SLC67A1: variants seen among roughly 807,000 people sequenced by gnomAD.
The protein encoded by SLC67A1 is solute carrier family 67 member A1.
At chr11:2,903,562 CCGT>C in the SLC67A1 span, 1 of 1,560,470 alleles carries the variant, frequency 6.4e-7, no homozygotes. Flanking sequence ...TCCATCTGGG[CCGT>C]CGCAGAGAGT....
chr11:2,901,293 T>C, the SLC67A1 span, among the ~76,000 whole-genome samples: 1 of 152,250 alleles, frequency 6.6e-6, no homozygotes. Context: ...CAGCCGGCCT[T>C]GGGCCACCTG....
At chr11:2,911,561 C>T in the SLC67A1 span, among the ~76,000 whole-genome samples, 1 of 152,214 alleles carries the variant, frequency 6.6e-6, no homozygotes, top group South Asian at 2.1e-4. Context: ...CTGAGCTGGG[C>T]GGCTGCCATC....
chr11:2,919,030 C>T, the SLC67A1 span: 3 of 428,612 alleles, frequency 7.0e-6, no homozygotes, highest in Admixed American at 8.6e-5. Context: ...GGGCCAAATC[C>T]TCCCACGTGG....
chr11:2,903,526 G>A, the SLC67A1 span: 3 of 1,609,382 alleles, frequency 1.9e-6, no homozygotes, highest in South Asian at 3.3e-5. Flanking sequence ...GCCCCAGCCA[G>A]GGCTGAACCG....
chr11:2,899,788 C>T, the SLC67A1 span: 1 of 1,372,294 alleles, frequency 7.3e-7, no homozygotes, highest in Non-Finnish European at 9.6e-7. Flanking sequence ...GGCCCTGCTT[C>T]ACCTGGAGGA....
chr11:2,914,346 C>T, the SLC67A1 span, among the ~76,000 whole-genome samples: 3 of 152,146 alleles, frequency 2.0e-5, no homozygotes, highest in African/African-American at 4.8e-5. Flanking sequence ...CTGACGGCAC[C>T]GTGCTAAGGG....
At chr11:2,904,259 C>T in the SLC67A1 span, among the ~76,000 whole-genome samples, 1 of 152,236 alleles carries the variant, frequency 6.6e-6, no homozygotes, top group Non-Finnish European at 1.5e-5. Flanking sequence ...TGGGCTCAGA[C>T]AGCTGCCCTC....
the SLC67A1 span, chr11:2,917,173 G>A: frequency 4.9e-6 from 1 of 204,954 alleles, no homozygotes; most frequent in African/African-American, 2.3e-5. Context: ...GGAGGGCAGA[G>A]GATGGTCAGG....
At chr11:2,924,852 G>C in the SLC67A1 span, among the ~76,000 whole-genome samples, 1 of 152,156 alleles carries the variant, frequency 6.6e-6, no homozygotes, top group Admixed American at 6.5e-5. The surrounding 1 kb of genome is among the most constrained non-coding windows in gnomAD (Gnocchi z 8.6). Context: ...GGAAAGGATG[G>C]GTGTTCAGGG....
At chr11:2,904,864 C>T in the SLC67A1 span, among the ~76,000 whole-genome samples, 79,459 of 152,018 alleles carry the variant, frequency 0.52, 21,360 homozygotes, top group East Asian at 0.79. Context: ...TAGAGTGGAC[C>T]GGTTGAGGCC....
At chr11:2,903,542 C>T in the SLC67A1 span, 1 of 1,595,896 alleles carries the variant, frequency 6.3e-7, no homozygotes, top group South Asian at 1.1e-5. Flanking sequence ...AACCGCTGTT[C>T]CTCCTGCCCT....
At chr11:2,903,419 T>A in the SLC67A1 span, 27 of 1,612,988 alleles carry the variant, frequency 1.7e-5, no homozygotes, top group Non-Finnish European at 2.2e-5. Flanking sequence ...CGGTCCTCGG[T>A]CATCTTGCTT....
the SLC67A1 span, chr11:2,899,813 T>C: frequency 8.4e-7 from 1 of 1,193,424 alleles, no homozygotes; most frequent in South Asian, 1.6e-5. Flanking sequence ...AGTGGTAAGT[T>C]TCCAGCATCT....
the SLC67A1 span, among the ~76,000 whole-genome samples, chr11:2,906,865 A>T: frequency 1.3e-4 from 18 of 141,964 alleles, no homozygotes; most frequent in African/African-American, 3.7e-4. Context: ...AAAGTATAAT[A>T]AAAAAACAAA....
the SLC67A1 span, chr11:2,899,769 G>A: frequency 1.4e-6 from 2 of 1,415,836 alleles, no homozygotes; most frequent in Non-Finnish European, 1.9e-6. Flanking sequence ...CAGTTCCCTG[G>A]CTACCTGAGG....
chr11:2,922,194 C>A, the SLC67A1 span: 2 of 1,613,166 alleles, frequency 1.2e-6, no homozygotes, highest in South Asian at 1.1e-5. Context: ...TCGTGGTGGG[C>A]CTGGCCATGG....
the SLC67A1 span, among the ~76,000 whole-genome samples, chr11:2,906,355 G>C: frequency 5.9e-5 from 9 of 152,312 alleles, no homozygotes; most frequent in South Asian, 1.7e-3. Context: ...TTGACCCAGC[G>C]ATCCCATTAC....
At chr11:2,919,489 C>T in the SLC67A1 span, 93 of 1,032,332 alleles carry the variant, frequency 9.0e-5, 1 homozygote, top group East Asian at 1.0e-3. Flanking sequence ...GGCTCCTCCC[C>T]GGCGGAGGCT....
At chr11:2,900,641 C>G in the SLC67A1 span, among the ~76,000 whole-genome samples, 2 of 139,898 alleles carry the variant, frequency 1.4e-5, no homozygotes, top group Non-Finnish European at 3.0e-5. Context: ...TGCAGCGAGC[C>G]GAGATCGCGC....
Sources: allele counts gnomAD v4.1 joint callset (sites outside exome capture counted in the v4.1 genomes callset), GRCh38; gene constraint gnomAD v4.1.1; non-coding constraint Gnocchi (gnomAD v3.1); transcripts MANE v1.5; gene names NCBI Gene and HGNC (gene_info 2026-07-23, HGNC 2026-07-21).